Variants in CELF2 observed in about 807,000 individuals in gnomAD.
CELF2 encodes CUG triplet repeat RNA-binding protein 2.
CELF2 carries 8 observed loss-of-function variants against 62.6 expected under a neutral mutation model. That is an observed-to-expected ratio of 0.13 (90% confidence interval 0.07 to 0.23). The LOEUF (loss-of-function observed/expected upper bound fraction) is 0.23. Ranked by LOEUF, CELF2 falls within the 10% of genes least tolerant of loss-of-function variation. CELF2 has a pLI of 1.00. For missense variants in CELF2, 333 were observed against 671.0 expected, an observed-to-expected ratio of 0.50 and a Z score of 5.56; for synonymous variants, 258 against 250.0, an observed-to-expected ratio of 1.03 and a Z score of -0.30.
intron 3 of CELF2, among the ~76,000 whole-genome samples, chr10:11,221,532 C>A (rs1230688934): frequency 6.6e-6 from 1 of 151,900 alleles, no homozygotes; most frequent in Non-Finnish European, 1.5e-5. Flanking sequence ...CATTCTCTTT[C>A]CAAGGTCTTA....
intron 1 of CELF2, among the ~76,000 whole-genome samples, chr10:11,035,558 G>T (rs1038412751): frequency 1.3e-5 from 2 of 152,182 alleles, no homozygotes; most frequent in African/African-American, 4.8e-5. Flanking sequence ...AGAGTCACAG[G>T]AGAGCTCAGC....
chr10:10,914,955 C>G (rs545874371), intron 1 of CELF2, among the ~76,000 whole-genome samples: 4 of 151,672 alleles, frequency 2.6e-5, no homozygotes, highest in Non-Finnish European at 5.9e-5. Context: ...ATGGTGAAAC[C>G]GCATCTCTAC....
chr10:10,688,843 AAAATT>A, the CELF2 span, among the ~76,000 whole-genome samples: 2 of 152,096 alleles, frequency 1.3e-5, no homozygotes, highest in African/African-American at 2.4e-5. Context: ...ATACCAAAAA[AAAATT>A]AATTAATTAG....
In CELF2 at chr10:11,037,873, G is replaced by A. The variant is rs1052950346; in HGVS notation, c.74+19710G>A. On this transcript the variant is annotated intron_variant, in intron 1 of 12. Transcript: ENST00000633077. Reference sequence around the variant, plus strand: ...ATTTAATTTTTAAAACATGTATAAAGGTAGAGAGCAAGATAGAATTGGGTT... The same window carrying A: ...ATTTAATTTTTAAAACATGTATAAAAGTAGAGAGCAAGATAGAATTGGGTT... Among the ~76,000 whole-genome samples, 7 of 152,120 alleles carry A rather than the reference G, an allele frequency of 4.6e-5. No homozygotes were observed. In the South Asian group the frequency reaches 8.3e-4, roughly 18 times the overall value.
At chr10:10,509,554 T>G in the CELF2 span, among the ~76,000 whole-genome samples, 1 of 152,202 alleles carries the variant, frequency 6.6e-6, no homozygotes, top group Non-Finnish European at 1.5e-5. Context: ...GAGATTTAAT[T>G]TTTTTATTGT....
the CELF2 span, among the ~76,000 whole-genome samples, chr10:10,687,694 A>C: frequency 1.3e-5 from 2 of 152,218 alleles, no homozygotes; most frequent in African/African-American, 4.8e-5. Context: ...AGCATGAAAA[A>C]GTTAAATTTT....
chr10:10,782,540 T>C, the CELF2 span, among the ~76,000 whole-genome samples: 10 of 152,164 alleles, frequency 6.6e-5, no homozygotes, highest in Non-Finnish European at 1.2e-4. Context: ...CTCACAAATG[T>C]ACCCAAAACA....
rs2053347096 is a variant in CELF2, at chr10:10,990,846, T to C, written c.89+70847T>C. ...TGGGTATCATTTGGGGTAACCTGTG[T>C]TCTCAGTGGCTTTCCATAACCCTAA... On this transcript the variant is annotated intron_variant, in intron 2 of 13. Coordinates refer to the CELF2 transcript ENST00000636488. The surrounding 1 kb of genome is among the most constrained non-coding windows in gnomAD (Gnocchi z 4.6). Among the ~76,000 whole-genome samples the C allele has an allele frequency of 6.6e-6, 1 of 152,190 alleles. No individual in the cohort carries two copies. Among genetic ancestry groups the C allele is most frequent in the South Asian group, 2.1e-4 (1 of 4,832 alleles).
At chr10:10,637,997 C>T in the CELF2 span, among the ~76,000 whole-genome samples, 5 of 152,126 alleles carry the variant, frequency 3.3e-5, no homozygotes, top group South Asian at 2.1e-4. Flanking sequence ...CCCTTGAGTT[C>T]GGGGGATGAA....
the CELF2 span, among the ~76,000 whole-genome samples, chr10:10,550,758 G>C: frequency 6.6e-6 from 1 of 152,002 alleles, no homozygotes; most frequent in South Asian, 2.1e-4. Flanking sequence ...GAGTGCAATG[G>C]CACCATCTCA....
chr10:11,212,113 A>T (rs1035346024), intron 2 of CELF2, among the ~76,000 whole-genome samples: 1 of 152,192 alleles, frequency 6.6e-6, no homozygotes, highest in Non-Finnish European at 1.5e-5. Context: ...TACTGATTAC[A>T]GATTGCTTTC....
Position 11,157,770 on chromosome 10 carries a change from C to A in CELF2, c.75-7716C>A, listed in dbSNP as rs1030156514. ...TCTGCAAAGGGGAAGAACTGGCTTT[C>A]ACCACCCAGGCTTCTGAAGTGTGTA... On this transcript the variant is annotated intron_variant, in intron 1 of 12. Transcript: ENST00000633077. The surrounding 1 kb of genome is among the most constrained non-coding windows in gnomAD (Gnocchi z 4.9). Among the ~76,000 whole-genome samples the A allele has an allele frequency of 6.6e-6, 1 of 152,254 alleles. No homozygotes were observed. Among genetic ancestry groups the A allele is most frequent in the African/African-American group, 2.4e-5 (1 of 41,464 alleles).
chr10:10,688,046 G>T, the CELF2 span, among the ~76,000 whole-genome samples: 1 of 152,156 alleles, frequency 6.6e-6, no homozygotes, highest in South Asian at 2.1e-4. Flanking sequence ...TATGATATTC[G>T]CGAACAAGTT....
intron 1 of CELF2, among the ~76,000 whole-genome samples, chr10:10,912,493 C>G (rs554098339): frequency 6.6e-6 from 1 of 152,230 alleles, no homozygotes; most frequent in South Asian, 2.1e-4. Context: ...CCTCAGCCTC[C>G]CGAGTAGCTG....
At chr10:10,546,381 C>A in the CELF2 span, among the ~76,000 whole-genome samples, 19 of 152,150 alleles carry the variant, frequency 1.2e-4, no homozygotes, top group African/African-American at 4.6e-4. Flanking sequence ...TCCAAAAAAG[C>A]GGATTCTGAT....
At chr10:10,702,815 A>C in the CELF2 span, among the ~76,000 whole-genome samples, 2,760 of 152,244 alleles carry the variant, frequency 0.018, 42 homozygotes, top group African/African-American at 0.042. Flanking sequence ...CGAACTCCTG[A>C]CCTCATGGTT....
At chr10:11,144,358 CAT>C (rs1318085001) in intron 1 of CELF2, among the ~76,000 whole-genome samples, 1 of 152,022 alleles carries the variant, frequency 6.6e-6, no homozygotes, top group Admixed American at 6.6e-5. Context: ...GATATAAAGT[CAT>C]AAGGAATGTC....
chr10:10,623,346 G>A, the CELF2 span, among the ~76,000 whole-genome samples: 8 of 152,120 alleles, frequency 5.3e-5, no homozygotes, highest in South Asian at 4.1e-4. Flanking sequence ...AAGGGCAGTT[G>A]GCAAGTTGAT....
rs751098394 is a variant in CELF2 at position 11,257,854 on chromosome 10, C to T, written c.520C>T (p.Pro174Ser). 2.5e-6 allele frequency: 4 copies of T among 1,614,166 alleles called. No homozygotes were observed. Among genetic ancestry groups the T allele is most frequent in the Non-Finnish European group, 2.5e-6 (3 of 1,180,026 alleles). Residue 174 changes from proline to serine, a missense_variant, in exon 5 of 13, where the codon CCT becomes TCT. Around this residue, in one of 3 missense-constraint regions of CELF2, gnomAD observed 253 missense variants for 503.0 expected, o/e 0.50. Coordinates refer to ENST00000633077, the MANE Select transcript of CELF2 (RefSeq NM_001326342.2). ...AGAAGAATGCCGGATCCTCCGGGGA[C>T]CTGATGGGCTGAGTCGAGGTGAGTG... is the stretch of plus-strand genomic sequence containing the variant. ...QIEECRILRG[P>S]DGLSRGCAFV... is the part of the protein sequence containing the mutation.
Sources: gnomAD v4.1 joint callset for allele counts (sites outside exome capture counted in the v4.1 genomes callset) on GRCh38, gnomAD v4.1.1 for gene constraint, gnomAD v4.1.1 regional missense constraint, Gnocchi (gnomAD v3.1) non-coding constraint, MANE v1.5 for transcripts, NCBI Gene and HGNC (gene_info 2026-07-23, HGNC 2026-07-21) for gene names.